Variants in TENM4 observed in about 807,000 individuals in gnomAD.
TENM4 encodes teneurin-4.
In TENM4, 82 loss-of-function variants were observed where a neutral mutation model predicts 243.3. The observed-to-expected ratio is 0.34, with a 90% CI of 0.28 to 0.40. TENM4 has a LOEUF of 0.40. Ranked by LOEUF, TENM4 falls within the 10% of genes least tolerant of loss-of-function variation. TENM4 has a pLI of 1.00. For missense variants in TENM4, 3,138 were observed against 3,673.3 expected (o/e 0.85, Z 3.77); for synonymous variants, 1,412 against 1,456.3 (o/e 0.97, Z 0.69).
At chr11:78,866,219 G>T (rs1012853603) in intron 9 of TENM4, among the ~76,000 whole-genome samples, 1 of 152,116 alleles carries the variant, frequency 6.6e-6, no homozygotes, top group African/African-American at 2.4e-5. Flanking sequence ...AACTCCAAAG[G>T]TAACGGAGAA....
chr11:79,298,538 A>AAG (rs1856496711), intron 1 of TENM4, among the ~76,000 whole-genome samples: 2 of 146,888 alleles, frequency 1.4e-5, no homozygotes, highest in Admixed American at 6.7e-5. Context: ...AAAAAAAAAA[A>AAG]AAAAAAAAAA....
In TENM4 at chr11:79,069,923, G is replaced by A. The variant is rs1383097565; in HGVS notation, c.22C>T (p.Pro8Ser). ...CGGCGCCGGGTCAGCGAGCGGTAAG[G>A]CTTCCTCTCCTTCACGTCCATGGCC... is the stretch of plus-strand genomic sequence containing the variant. MDVKERK[P>S]YRSLTRRRDA... Residue 8 changes from proline to serine, a missense_variant, in exon 5 of 34, where the codon CCT becomes TCT. Coordinates refer to ENST00000278550, the MANE Select transcript of TENM4 (RefSeq NM_001098816.3). The A allele has an allele frequency of 6.5e-7, 1 of 1,546,742 alleles. No homozygotes were observed.
chr11:78,890,808 C>A (rs1393146765), intron 8 of TENM4, among the ~76,000 whole-genome samples: 1 of 152,198 alleles, frequency 6.6e-6, no homozygotes, highest in African/African-American at 2.4e-5. Context: ...TAACCATGGC[C>A]ATGGGAGGAC....
chr11:79,165,498 T>C (rs1447906661), intron 3 of TENM4, among the ~76,000 whole-genome samples: 3 of 152,228 alleles, frequency 2.0e-5, no homozygotes, highest in Non-Finnish European at 4.4e-5. Flanking sequence ...TTGTTTGTTT[T>C]GTTCTTGCTG....
At position 79,319,603 on chromosome 11, in the gene TENM4, C is replaced by T. The variant is rs113329091; in HGVS notation, c.-320-22060G>A. Among the ~76,000 whole-genome samples the T allele has an allele frequency of 1.8e-3, 270 of 152,282 alleles. 2 individuals carry two copies. Among genetic ancestry groups the T allele is most frequent in the African/African-American group, 5.9e-3 (247 of 41,542 alleles). ...GGCATGCTGGAAGGACTGCCAGCAA[C>T]GCGCAGCCTGATCTGAAGCCTTGAG... On this transcript the variant is annotated intron_variant, in intron 1 of 33. Coordinates refer to ENST00000278550, the MANE Select transcript of TENM4 (RefSeq NM_001098816.3).
chr11:78,904,127 G>A (rs1216016706), intron 6 of TENM4, among the ~76,000 whole-genome samples: 1 of 152,036 alleles, frequency 6.6e-6, no homozygotes, highest in Non-Finnish European at 1.5e-5. Context: ...TTGGGAGGCC[G>A]AGGTGGGCGG....
intron 4 of TENM4, among the ~76,000 whole-genome samples, chr11:79,075,013 C>A (rs1388380318): frequency 2.0e-5 from 3 of 152,238 alleles, no homozygotes; most frequent in African/African-American, 7.2e-5. Flanking sequence ...CTAGAGTGAA[C>A]TGTTTCCTGT....
chr11:79,238,067 A>G (rs189698139), intron 2 of TENM4, among the ~76,000 whole-genome samples: 3 of 152,298 alleles, frequency 2.0e-5, no homozygotes, highest in African/African-American at 4.8e-5. Flanking sequence ...AGCATTTTCA[A>G]TTAAGCTGGG....
intron 15 of TENM4, among the ~76,000 whole-genome samples, chr11:78,797,251 G>A (rs483347): frequency 0.013 from 2,030 of 152,314 alleles, 16 homozygotes; most frequent in Middle Eastern, 0.02. Context: ...CATCTGCAAT[G>A]TCAGAGGTTA....
At chr11:79,420,767 C>A (rs1858914959) in intron 1 of TENM4, among the ~76,000 whole-genome samples, 1 of 152,140 alleles carries the variant, frequency 6.6e-6, no homozygotes, top group Admixed American at 6.5e-5. Flanking sequence ...CACACATCCA[C>A]ACAATACGGA....
At chr11:79,325,663 G>C (rs1044549605) in intron 1 of TENM4, among the ~76,000 whole-genome samples, 4 of 152,184 alleles carry the variant, frequency 2.6e-5, no homozygotes, top group Non-Finnish European at 4.4e-5. Flanking sequence ...ATGAGCAAAG[G>C]CTCACTGTAG....
intron 1 of TENM4, among the ~76,000 whole-genome samples, chr11:79,428,558 C>G (rs1356555381): frequency 6.6e-6 from 1 of 152,144 alleles, no homozygotes; most frequent in African/African-American, 2.4e-5. Context: ...TGGGGCACAG[C>G]CCAGAAGTGA....
chr11:79,017,498 C>G (rs1002025992), intron 6 of TENM4, among the ~76,000 whole-genome samples: 1 of 151,832 alleles, frequency 6.6e-6, no homozygotes. Context: ...ATATAGACTT[C>G]TATTTGCAGA....
intron 4 of TENM4, among the ~76,000 whole-genome samples, chr11:79,114,904 C>T (rs575976003): frequency 7.9e-5 from 12 of 152,044 alleles, no homozygotes; most frequent in Non-Finnish European, 1.3e-4. Context: ...TCTGGGGATG[C>T]GAAGAGGCAG....
chr11:78,979,265 A>G (rs1857736272), intron 6 of TENM4, among the ~76,000 whole-genome samples: 1 of 152,122 alleles, frequency 6.6e-6, no homozygotes, highest in Admixed American at 6.5e-5. Context: ...AGGGACTCCA[A>G]CCAGCACCCC....
chr11:79,033,448 C>T (rs1261934884), intron 6 of TENM4, among the ~76,000 whole-genome samples: 2 of 152,216 alleles, frequency 1.3e-5, no homozygotes, highest in African/African-American at 4.8e-5. Flanking sequence ...AAGGCACTTA[C>T]ACTCACAGGG....
At chr11:79,190,135 G>C (rs192124939) in intron 3 of TENM4, among the ~76,000 whole-genome samples, 449 of 152,276 alleles carry the variant, frequency 2.9e-3, no homozygotes, top group Middle Eastern at 6.8e-3. Flanking sequence ...CCATTACAGG[G>C]TACTCCCCTA....
intron 6 of TENM4, among the ~76,000 whole-genome samples, chr11:78,931,757 C>G (rs954478542): frequency 6.6e-6 from 1 of 152,128 alleles, no homozygotes; most frequent in South Asian, 2.1e-4. Context: ...GGATTTCCAC[C>G]GGGGCTAGGT....
At chr11:79,358,321 C>A (rs1445181024) in intron 1 of TENM4, among the ~76,000 whole-genome samples, 1 of 152,188 alleles carries the variant, frequency 6.6e-6, no homozygotes, top group African/African-American at 2.4e-5. Context: ...AATATTACAT[C>A]TTGTTGATCA....
Sources: gnomAD v4.1 joint callset for allele counts (sites outside exome capture counted in the v4.1 genomes callset) on GRCh38, gnomAD v4.1.1 for gene constraint, MANE v1.5 for transcripts, NCBI Gene and HGNC (gene_info 2026-07-23, HGNC 2026-07-21) for gene names.